The following PCDHGA4 variants were observed in gnomAD, a reference collection of about 807,000 sequenced individuals.
The protein encoded by PCDHGA4 is protocadherin gamma subfamily A, 4.
PCDHGA4 carries 38 observed loss-of-function variants against 54.6 expected under a neutral mutation model. That is an observed-to-expected ratio of 0.70 (90% CI 0.54 to 0.91). The LOEUF is 0.91. Ranked by LOEUF, PCDHGA4 falls within the 40% of genes least tolerant of loss-of-function variation. The pLI, the probability that PCDHGA4 is intolerant of heterozygous loss-of-function variation, is 0.00. For synonymous variants in PCDHGA4, 511 were observed against 512.9 expected (o/e 1.00, Z 0.05); for missense variants, 1,298 against 1,220.9 (o/e 1.06, Z -0.94).
rs370951112 is a variant in PCDHGA4 at position 141,357,333 on chromosome 5, G to A, written c.2226G>A (p.Leu742=). ...SCVFLAFVTV[L]LALKLRRWHK... ...TCTTCCTGGCTTTTGTCACGGTGCT[G>A]CTAGCACTCAAGCTGAGACGCTGGC... is the stretch of plus-strand genomic sequence containing the variant. The change falls in exon 1 of 4, where the codon CTG becomes CTA. Residue 742 remains leucine (L), a synonymous_variant. Coordinates refer to ENST00000571252, the MANE Select transcript of PCDHGA4 (RefSeq NM_018917.4). 17 of 1,614,014 alleles carry A rather than the reference G, an allele frequency of 1.1e-5. No individual in the cohort carries two copies. In the African/African-American group the frequency reaches 2.3e-4, roughly 22 times the overall value.
At chr5:141,399,581 A>G (rs375436846) in intron 1 of PCDHGA4, 20 of 1,613,788 alleles carry the variant, frequency 1.2e-5, no homozygotes, top group Non-Finnish European at 1.4e-5. Context: ...CAAGTCTCCT[A>G]CTCTATCATG....
At chr5:141,372,971 AG>A in intron 1 of PCDHGA4, 1 of 677,376 alleles carries the variant, frequency 1.5e-6, no homozygotes, top group South Asian at 2.2e-5. Context: ...AATTTCCTGT[AG>A]AATATCTGTG....
At chr5:141,481,560 G>A (rs1594155886) in intron 1 of PCDHGA4, among the ~76,000 whole-genome samples, 1 of 152,212 alleles carries the variant, frequency 6.6e-6, no homozygotes, top group Non-Finnish European at 1.5e-5. Flanking sequence ...GCTCACGCCT[G>A]TAATCCCAGT....
chr5:141,483,166 A>G (rs1288499520), intron 1 of PCDHGA4, among the ~76,000 whole-genome samples: 1 of 152,138 alleles, frequency 6.6e-6, no homozygotes, highest in Non-Finnish European at 1.5e-5. Flanking sequence ...ATCCTGAGTT[A>G]CCTTTGGGCC....
intron 1 of PCDHGA4, among the ~76,000 whole-genome samples, chr5:141,462,331 T>C (rs909948238): frequency 6.6e-6 from 1 of 152,244 alleles, no homozygotes; most frequent in African/African-American, 2.4e-5. Context: ...TCTAATTTAA[T>C]TGTATTGTGA....
chr5:141,428,744 T>C (rs939886054), intron 1 of PCDHGA4: 10 of 155,306 alleles, frequency 6.4e-5, no homozygotes, highest in African/African-American at 2.4e-4. Context: ...ATATCTACTA[T>C]TGCTTCAGGT....
At chr5:141,474,912 C>T (rs1018411233) in intron 1 of PCDHGA4, among the ~76,000 whole-genome samples, 6 of 152,214 alleles carry the variant, frequency 3.9e-5, no homozygotes, top group African/African-American at 1.2e-4. Flanking sequence ...CAAGGATATA[C>T]ATCTCATCTC....
In PCDHGA4 at chr5:141,423,840, A is replaced by G. The variant is rs189449471; in HGVS notation, c.2514+66219A>G. ...CTTTGCCTTTCATGAGATTACGATA[A>G]TCTTTCAGAACGTTTTTGTGAAAGT... On this transcript the variant is annotated intron_variant, in intron 1 of 3. Coordinates refer to ENST00000571252, the MANE Select transcript of PCDHGA4 (RefSeq NM_018917.4). 1,637 of 1,279,840 alleles carry G rather than the reference A, an allele frequency of 1.3e-3. 3 individuals carry two copies. The highest frequency in any genetic ancestry group is 1.5e-3 in the Non-Finnish European group (1,519 of 1,009,392). 79.3% of individuals were successfully genotyped at this position (1,279,840 alleles called of 1,614,324 possible).
chr5:141,431,610 T>A lies in PCDHGA4; in HGVS notation c.2515-63197T>A. The stretch of plus-strand genomic sequence containing the variant: ...GAAGTGAGGTATTCCTTCCGGTATG[T>A]GGACGACAAGGCGGCCCAAGTTTTC... On this transcript the variant is annotated intron_variant, in intron 1 of 3. Transcript: ENST00000571252. The surrounding 1 kb of genome is among the most constrained non-coding windows in gnomAD (Gnocchi z 4.8). 6.2e-7 allele frequency: 1 copy of A among 1,614,238 alleles called. No homozygotes were observed. Among genetic ancestry groups the A allele is most frequent in the Non-Finnish European group, 8.5e-7 (1 of 1,180,034 alleles).
chr5:141,393,964 G>C, intron 1 of PCDHGA4: 1 of 1,613,870 alleles, frequency 6.2e-7, no homozygotes, highest in Middle Eastern at 1.6e-4. Flanking sequence ...CAAGTTGTCT[G>C]TTACACACGT....
At chr5:141,497,776 C>A (rs1384125562) in intron 2 of PCDHGA4, among the ~76,000 whole-genome samples, 2 of 152,170 alleles carry the variant, frequency 1.3e-5, no homozygotes. Flanking sequence ...CCGACCTCAA[C>A]TGATCCACCT....
At chr5:141,445,524 TA>T (rs1180348783) in intron 1 of PCDHGA4, among the ~76,000 whole-genome samples, 1 of 152,192 alleles carries the variant, frequency 6.6e-6, no homozygotes, top group Admixed American at 6.5e-5. Flanking sequence ...ACAGGTCTGA[TA>T]AAAGCCAACA....
rs760855582 is a variant in PCDHGA4, at chr5:141,362,235, A to AG, written c.2514+4615dup. 73 of 1,613,734 alleles carry AG rather than the reference A, an allele frequency of 4.5e-5. 1 individual carries two copies. The Middle Eastern group carries it at 5.9e-3, about 131-fold the overall frequency. Reference sequence around the variant, plus strand: ...TGGTTGTGGCCTTGGCCTTGATCTCAGTGCTCTTCTTCCTCGCGGTGATTC... The same window carrying AG: ...TGGTTGTGGCCTTGGCCTTGATCTCAGGTGCTCTTCTTCCTCGCGGTGATTC... On this transcript the variant is annotated intron_variant, in intron 1 of 3. Coordinates refer to ENST00000571252, the MANE Select transcript of PCDHGA4 (RefSeq NM_018917.4).
chr5:141,408,439 G>A (rs1057408625), intron 1 of PCDHGA4: 4 of 1,613,950 alleles, frequency 2.5e-6, no homozygotes, highest in Non-Finnish European at 3.4e-6. Flanking sequence ...GCGTAGACGC[G>A]GAGAGCGGGG....
chr5:141,444,965 A>C (rs561160996), intron 1 of PCDHGA4, among the ~76,000 whole-genome samples: 18 of 152,234 alleles, frequency 1.2e-4, no homozygotes, highest in South Asian at 6.2e-4. Context: ...CAATATTGAC[A>C]CTTCAAATCC....
At chr5:141,395,547 TGTGTGTGTGTGTGTGTGTG>T (rs2093270842) in intron 1 of PCDHGA4, 3 of 174,256 alleles carry the variant, frequency 1.7e-5, no homozygotes, top group Non-Finnish European at 3.5e-5. Flanking sequence ...ATTGTTTGTG[TGTGTGTGTGTGTGTGTGTG>T]TGTGTGTGTG....
At chr5:141,449,369 G>A (rs561017816) in intron 1 of PCDHGA4, among the ~76,000 whole-genome samples, 4 of 152,068 alleles carry the variant, frequency 2.6e-5, no homozygotes, top group South Asian at 4.2e-4. Flanking sequence ...CACTTTGGGA[G>A]GCTGAGGCAG....
In PCDHGA4 at chr5:141,376,620, C is replaced by T. The variant is rs2150087257; in HGVS notation, c.2514+18999C>T. The stretch of plus-strand genomic sequence containing the variant: ...TTATAGAAGCGAACCTCTTTTGGTA[C>T]AGGAAGATTCGTGATTTTGTAAAGT... On this transcript the variant is annotated intron_variant, in intron 1 of 3. Transcript: ENST00000571252. 2.9e-6 allele frequency: 4 copies of T among 1,360,830 alleles called. No homozygotes were observed. In the East Asian group the frequency reaches 7.4e-5, roughly 25 times the overall value. The allele number at this position is 1,360,830 out of a possible 1,614,324, so 84.3% of individuals were successfully genotyped here. A position where few individuals can be genotyped will look rare whatever the true frequency, so the allele number is the denominator to read the frequency against.
At chr5:141,422,142 G>T in intron 1 of PCDHGA4, 1 of 1,583,694 alleles carries the variant, frequency 6.3e-7, no homozygotes, top group Non-Finnish European at 8.5e-7. Flanking sequence ...TTCAAGTACG[G>T]GGGTCTCTGG....
Sources: allele counts gnomAD v4.1 joint callset (sites outside exome capture counted in the v4.1 genomes callset), GRCh38; gene constraint gnomAD v4.1.1; non-coding constraint Gnocchi (gnomAD v3.1); transcripts MANE v1.5; gene names NCBI Gene and HGNC (gene_info 2026-07-23, HGNC 2026-07-21).